RAB12: variants seen among roughly 807,000 people sequenced by gnomAD.
RAB12 encodes RAB12, member RAS oncogene family, also known as ras-related protein Rab-12.
In RAB12, 11 loss-of-function variants were observed where a neutral mutation model predicts 28.4. That is an observed-to-expected ratio of 0.39 (90% CI 0.24 to 0.64). RAB12 has a LOEUF of 0.64. RAB12 is among the 30% of genes least tolerant of loss of function. The pLI is 0.50. For missense variants in RAB12, 276 were observed against 351.1 expected (o/e 0.79, Z 1.71); for synonymous variants, 138 against 145.3 (o/e 0.95, Z 0.36).
At chr18:8,610,899 A>C (rs2096003418) in intron 1 of RAB12, among the ~76,000 whole-genome samples, 1 of 152,210 alleles carries the variant, frequency 6.6e-6, no homozygotes, top group Non-Finnish European at 1.5e-5. Context: ...GCATAATTTC[A>C]TGTAATTCTA....
At chr18:8,625,583 T>C (rs1403436271) in intron 2 of RAB12, among the ~76,000 whole-genome samples, 1 of 152,182 alleles carries the variant, frequency 6.6e-6, no homozygotes, top group Non-Finnish European at 1.5e-5. Flanking sequence ...CTCAACCAGC[T>C]GTGTTATAAC....
chr18:8,637,399 G>A (rs2096019559), intron 5 of RAB12, among the ~76,000 whole-genome samples: 1 of 152,024 alleles, frequency 6.6e-6, no homozygotes, highest in South Asian at 2.1e-4. Context: ...TATTTTGCCT[G>A]GTTCTGTGAA....
intron 1 of RAB12, among the ~76,000 whole-genome samples, chr18:8,614,494 A>G (rs2096005602): frequency 6.7e-6 from 1 of 149,610 alleles, no homozygotes; most frequent in Non-Finnish European, 1.5e-5. Context: ...TATTTTGCCA[A>G]GTAAGAACAT....
chr18:8,621,974 A>G (rs2096010103), intron 1 of RAB12, among the ~76,000 whole-genome samples: 1 of 152,138 alleles, frequency 6.6e-6, no homozygotes, highest in Non-Finnish European at 1.5e-5. Flanking sequence ...CTAGCCTTTT[A>G]TTTTTATTCA....
At chr18:8,635,505 A>C (rs757535384) in intron 3 of RAB12, 28 bp from the exon 4 acceptor site, 2 of 1,546,880 alleles carry the variant, frequency 1.3e-6, no homozygotes, top group Admixed American at 3.4e-5. Flanking sequence ...CCCATCTTTG[A>C]AATGTGGCTT....
At chr18:8,620,559 C>CT (rs35318465) in intron 1 of RAB12, among the ~76,000 whole-genome samples, 18,975 of 146,968 alleles carry the variant, frequency 0.13, 1,354 homozygotes, top group Admixed American at 0.18. Context: ...ACTCAGATGC[C>CT]TTTTTTTTTT....
chr18:8,625,022 GTAA>G, intron 2 of RAB12, 24 bp downstream of exon 2: 1 of 1,453,684 alleles, frequency 6.9e-7, no homozygotes, highest in African/African-American at 1.4e-5. Context: ...TGTGCACCCA[GTAA>G]TGTGCTGTGT....
At chr18:8,629,968 G>T (rs930944903) in intron 2 of RAB12, among the ~76,000 whole-genome samples, 2 of 152,194 alleles carry the variant, frequency 1.3e-5, no homozygotes, top group Non-Finnish European at 2.9e-5. Flanking sequence ...CTTTGCAAGT[G>T]TTAGTCCTTC....
chr18:8,611,047 G>C (rs1216940345), intron 1 of RAB12, among the ~76,000 whole-genome samples: 2 of 152,086 alleles, frequency 1.3e-5, no homozygotes, highest in Non-Finnish European at 2.9e-5. Context: ...TCCAATTTTT[G>C]TACTGTCTTT....
chr18:8,622,350 T>C (rs2096010363), intron 1 of RAB12, among the ~76,000 whole-genome samples: 1 of 152,228 alleles, frequency 6.6e-6, no homozygotes, highest in African/African-American at 2.4e-5. Flanking sequence ...TCTTTTCTAT[T>C]TTCCCTAAGC....
chr18:8,630,731 G>T (rs890167393), intron 2 of RAB12, among the ~76,000 whole-genome samples: 5 of 152,136 alleles, frequency 3.3e-5, no homozygotes, highest in Admixed American at 1.3e-4. Flanking sequence ...TCAGCCTGGA[G>T]AAAAAAGAAC....
chr18:8,610,815 G>T (rs2096003378), intron 1 of RAB12, among the ~76,000 whole-genome samples: 1 of 152,176 alleles, frequency 6.6e-6, no homozygotes, highest in African/African-American at 2.4e-5. Flanking sequence ...AGTCACTTCC[G>T]TGATAGGAAG....
At chr18:8,613,097 A>G (rs2096004754) in intron 1 of RAB12, among the ~76,000 whole-genome samples, 1 of 152,268 alleles carries the variant, frequency 6.6e-6, no homozygotes, top group Non-Finnish European at 1.5e-5. Context: ...TTGTTAATCA[A>G]ATCAGAAACT....
At chr18:8,618,837 G>C (rs529873145) in intron 1 of RAB12, among the ~76,000 whole-genome samples, 1 of 152,184 alleles carries the variant, frequency 6.6e-6, no homozygotes, top group Non-Finnish European at 1.5e-5. Flanking sequence ...TATATGGGAC[G>C]AGAATTCATT....
chr18:8,624,883 A>G (rs1288079297), intron 1 of RAB12, 55 bp from the exon 2 acceptor site: 2 of 1,112,980 alleles, frequency 1.8e-6, no homozygotes, highest in Non-Finnish European at 2.7e-6. Context: ...ATTATTTTGT[A>G]TGACAAATTG....
intron 1 of RAB12, among the ~76,000 whole-genome samples, chr18:8,623,484 T>A (rs1480438676): frequency 6.6e-6 from 1 of 152,242 alleles, no homozygotes; most frequent in African/African-American, 2.4e-5. Context: ...AGACAGTGTT[T>A]TGTCATTAAA....
chr18:8,638,279 CA>C lies in RAB12; in HGVS notation c.*20del, dbSNP rs2096020112. 6.4e-7 allele frequency: 1 copy of C among 1,551,514 alleles called. No homozygotes were observed. Among genetic ancestry groups the C allele is most frequent in the South Asian group, 1.1e-5 (1 of 89,516 alleles). On this transcript the variant is annotated 3_prime_UTR_variant, in exon 6 of 6. Transcript: ENST00000649141. ...TGCTGTTGATTTCCTACTTTGGAGA[CA>C]AAGTGGAAATGATTCCTGGAAAGGG...
chr18:8,609,687 G>T lies in RAB12; in HGVS notation c.248G>T (p.Gly83Val), dbSNP rs1486569449. ...CCCGGGGCGCGCAGCCGGGGGGCGG[G>T]CGGCGGCGGGCGGCGGGCCGAGCGG... is the stretch of plus-strand genomic sequence containing the variant. Reference protein sequence around the residue: ...PGPGARSRGAGGGGRRAEREP... With the variant: ...PGPGARSRGAVGGGRRAEREP... Residue 83 changes from glycine (G) to valine (V), a missense_variant, in exon 1 of 6, where the codon GGC becomes GTC. By Grantham distance (109) the Gly-to-Val change is moderately radical (BLOSUM62 -3). This residue lies in a region of RAB12 where 72 missense variants were observed against 55.5 expected (regional missense o/e 1.30). Coordinates refer to ENST00000649141, the MANE Select transcript of RAB12 (RefSeq NM_001025300.3). 6 of 936,392 alleles carry T rather than the reference G, an allele frequency of 6.4e-6. No individual in the cohort carries two copies. The South Asian group carries it at 2.8e-4, about 44-fold the overall frequency. The allele number at this position is 936,392 out of a possible 1,614,324, so 58.0% of individuals were successfully genotyped here.
chr18:8,610,568 T>C (rs969789826), intron 1 of RAB12, among the ~76,000 whole-genome samples: 1 of 152,224 alleles, frequency 6.6e-6, no homozygotes, highest in Non-Finnish European at 1.5e-5. Flanking sequence ...ATTCCTCCAG[T>C]ACCGCTGTTT....
Sources: allele counts gnomAD v4.1 joint callset (sites outside exome capture counted in the v4.1 genomes callset), GRCh38; gene constraint gnomAD v4.1.1; regional missense constraint gnomAD v4.1.1; transcripts MANE v1.5; gene names NCBI Gene and HGNC (gene_info 2026-07-23, HGNC 2026-07-21).